Variants in THSD4 observed in about 807,000 individuals in gnomAD.
THSD4 encodes the protein thrombospondin type-1 domain-containing protein 4.
In THSD4, 69 loss-of-function variants were observed where a neutral mutation model predicts 119.0. The observed-to-expected ratio is 0.58, with a 90% confidence interval of 0.48 to 0.71. THSD4 has a LOEUF of 0.71. THSD4 is among the 30% of genes least tolerant of loss of function. The pLI is 0.00. For synonymous variants in THSD4, 524 were observed against 540.4 expected (o/e 0.97, Z 0.42); for missense variants, 1,393 against 1,391.1 (o/e 1.00, Z -0.02).
At chr15:71,768,229 A>G (rs866057657) in intron 16 of THSD4, among the ~76,000 whole-genome samples, 4 of 152,156 alleles carry the variant, frequency 2.6e-5, no homozygotes, top group Middle Eastern at 3.4e-3. Context: ...GGCCACTAAC[A>G]TCCCCAAAAG....
chr15:71,739,250 A>G (rs1382595034), intron 11 of THSD4, among the ~76,000 whole-genome samples: 1 of 152,216 alleles, frequency 6.6e-6, no homozygotes, highest in Non-Finnish European at 1.5e-5. Flanking sequence ...ACCAGGGACA[A>G]ACCTGAAGCC....
intron 6 of THSD4, among the ~76,000 whole-genome samples, chr15:71,293,892 GAA>G (rs2044826705): frequency 6.6e-6 from 1 of 152,120 alleles, no homozygotes; most frequent in African/African-American, 2.4e-5. Flanking sequence ...AGGTGCACAT[GAA>G]ACAGTCCCTC....
intron 7 of THSD4, among the ~76,000 whole-genome samples, chr15:71,542,298 T>C (rs2140840095): frequency 6.6e-6 from 1 of 152,312 alleles, no homozygotes; most frequent in South Asian, 2.1e-4. Context: ...TAACATATGT[T>C]GGAATATTCT....
chr15:71,377,063 A>G (rs1009241245), intron 6 of THSD4, among the ~76,000 whole-genome samples: 2 of 152,146 alleles, frequency 1.3e-5, no homozygotes, highest in Non-Finnish European at 2.9e-5. Context: ...TGATTGTGGG[A>G]AGAGGAAAGA....
intron 6 of THSD4, among the ~76,000 whole-genome samples, chr15:71,390,155 A>G (rs927619183): frequency 3.3e-5 from 5 of 152,098 alleles, no homozygotes; most frequent in Admixed American, 6.5e-5. Context: ...TTTCAGATAA[A>G]TAGAAACAAA....
rs16955646 is a variant in THSD4, at chr15:71,461,893, A to G, written c.1152+50070A>G. Among the ~76,000 whole-genome samples the G allele has an allele frequency of 3.2e-3, 488 of 151,914 alleles. 18 individuals are homozygous for G. In the East Asian group the frequency reaches 0.078, roughly 24 times the overall value. On this transcript the variant is annotated intron_variant, in intron 7 of 17. Coordinates refer to ENST00000261862, the MANE Select transcript of THSD4 (RefSeq NM_024817.3). ...ACAAAGTTACCATTCATTTGTTGCC[A>G]TCCTGGAGTGCAGGCCAGGTTCTTT...
chr15:71,294,025 C>T (rs1298377514), intron 6 of THSD4, among the ~76,000 whole-genome samples: 1 of 151,938 alleles, frequency 6.6e-6, no homozygotes, highest in Non-Finnish European at 1.5e-5. Context: ...ATCTCCTAGC[C>T]TTTGCTTTTC....
chr15:71,635,756 G>A (rs1312284599), intron 7 of THSD4, among the ~76,000 whole-genome samples: 1 of 152,198 alleles, frequency 6.6e-6, no homozygotes, highest in Admixed American at 6.5e-5. Context: ...ACTGGAAATA[G>A]TCACAATCAT....
chr15:71,274,225 C>G (rs904393005), intron 6 of THSD4, among the ~76,000 whole-genome samples: 2 of 152,216 alleles, frequency 1.3e-5, no homozygotes, highest in Admixed American at 6.5e-5. Flanking sequence ...AAACTCATGA[C>G]ATGTCAGGGT....
At chr15:71,532,568 G>A (rs745792213) in intron 7 of THSD4, among the ~76,000 whole-genome samples, 21 of 151,918 alleles carry the variant, frequency 1.4e-4, no homozygotes, top group Non-Finnish European at 2.6e-4. Flanking sequence ...GCCCGCCTTG[G>A]CCTCTCAAAC....
intron 6 of THSD4, among the ~76,000 whole-genome samples, chr15:71,372,218 G>A (rs1054628664): frequency 2.6e-5 from 4 of 152,156 alleles, no homozygotes; most frequent in African/African-American, 9.7e-5. Flanking sequence ...TTTGTAATGG[G>A]TTCGAACTTC....
Position 71,706,627 on chromosome 15 carries a change from C to T in THSD4, c.1358-21922C>T, listed in dbSNP as rs186388800. On this transcript the variant is annotated intron_variant, in intron 8 of 17. Coordinates refer to ENST00000261862, the MANE Select transcript of THSD4 (RefSeq NM_024817.3). ...GGAGAGGAGAACCAGGAACTGGACCCGAGGTAGACAGAGGTTGGAGAATGC... is the reference window on the plus strand; with the variant it reads ...GGAGAGGAGAACCAGGAACTGGACCTGAGGTAGACAGAGGTTGGAGAATGC... Among the ~76,000 whole-genome samples, 17 of 152,160 alleles carry T rather than the reference C, an allele frequency of 1.1e-4. No individual in the cohort carries two copies. In the East Asian group the frequency reaches 2.9e-3, roughly 26 times the overall value.
chr15:71,384,758 C>G (rs948147612), intron 6 of THSD4, among the ~76,000 whole-genome samples: 18 of 152,282 alleles, frequency 1.2e-4, no homozygotes, highest in Admixed American at 4.6e-4. Context: ...CACATAACGG[C>G]ATTGTAATTT....
At chr15:71,684,228 A>G (rs1330748103) in intron 8 of THSD4, among the ~76,000 whole-genome samples, 1 of 152,060 alleles carries the variant, frequency 6.6e-6, no homozygotes, top group African/African-American at 2.4e-5. Context: ...ATTTACCTCT[A>G]TCTGGTAATT....
At chr15:71,219,404 T>C (rs1320095396) in intron 4 of THSD4, among the ~76,000 whole-genome samples, 2 of 152,180 alleles carry the variant, frequency 1.3e-5, no homozygotes, top group African/African-American at 2.4e-5. Flanking sequence ...TTTCCAAGTT[T>C]GGTGAGCACG....
chr15:71,456,383 T>TTTG (rs1361269449), intron 7 of THSD4, among the ~76,000 whole-genome samples: 1 of 152,218 alleles, frequency 6.6e-6, no homozygotes, highest in Non-Finnish European at 1.5e-5. Context: ...GTGAAGATGC[T>TTTG]TAAATGATCA....
intron 6 of THSD4, among the ~76,000 whole-genome samples, chr15:71,357,392 C>G (rs2045830906): frequency 6.6e-6 from 1 of 152,188 alleles, no homozygotes; most frequent in South Asian, 2.1e-4. Context: ...CCACTCCTGT[C>G]CCTGGTGGGA....
At chr15:71,727,551 AAAATAT>A (rs1325923618) in intron 8 of THSD4, among the ~76,000 whole-genome samples, 7 of 107,488 alleles carry the variant, frequency 6.5e-5, no homozygotes, top group African/African-American at 3.1e-4. Flanking sequence ...AAAAAAAAAA[AAAATAT>A]ATATATATAT....
In THSD4 at chr15:71,411,560, G is replaced by A. The variant is rs111834219; in HGVS notation, c.1016-127G>A. 2,971 of 1,040,670 alleles carry A rather than the reference G, an allele frequency of 2.9e-3. 66 individuals are homozygous for A. In the African/African-American group the frequency reaches 0.043, roughly 15 times the overall value. The allele number at this position is 1,040,670 out of a possible 1,614,324, so 64.5% of individuals were successfully genotyped here. A position where few individuals can be genotyped will look rare whatever the true frequency, so the allele number is the denominator to read the frequency against. On this transcript the variant is annotated intron_variant, in intron 6 of 17. Coordinates refer to ENST00000261862, the MANE Select transcript of THSD4 (RefSeq NM_024817.3). ...ATTGAACTGTATAGTTGGTTAAAAT[G>A]CTTAATTTTGTGTTATACAAATTTT... is the stretch of plus-strand genomic sequence containing the variant.
Sources: allele counts gnomAD v4.1 joint callset (sites outside exome capture counted in the v4.1 genomes callset), GRCh38; gene constraint gnomAD v4.1.1; transcripts MANE v1.5; gene names NCBI Gene and HGNC (gene_info 2026-07-23, HGNC 2026-07-21).